Variants in TRIM71 observed in about 807,000 individuals in gnomAD.
TRIM71 encodes the protein tripartite motif containing 71, also known as E3 ubiquitin-protein ligase TRIM71.
In TRIM71, 9 loss-of-function variants were observed where a neutral mutation model predicts 61.2. The ratio of observed to expected loss-of-function variants is 0.15; its 90% CI spans 0.09 to 0.26. The LOEUF is 0.26. Ranked by LOEUF, TRIM71 falls within the 10% of genes least tolerant of loss-of-function variation. TRIM71 has a pLI of 1.00. For missense variants in TRIM71, 998 were observed against 1,238.7 expected, an observed-to-expected ratio of 0.81 and a Z score of 2.92; for synonymous variants, 645 against 553.2, an observed-to-expected ratio of 1.17 and a Z score of -2.33.
intron 1 of TRIM71, among the ~76,000 whole-genome samples, chr3:32,860,234 C>CT (rs774269001): frequency 2.0e-5 from 3 of 151,252 alleles, no homozygotes; most frequent in Non-Finnish European, 4.4e-5. Context: ...TCTCTGCTCA[C>CT]TGCAACCTCC....
chr3:32,818,839 G>T lies in TRIM71; in HGVS notation c.759G>T (p.Gln253His), dbSNP rs1430460499. ...PGPGAAAAAQ[Q>H]LGLGPPFPGP... is the part of the protein sequence containing the mutation. ...CCGGTGCCGCAGCAGCGGCGCAGCAGCTCGGGCTCGGGCCGCCCTTTCCCG... is the reference window on the plus strand; with the variant it reads ...CCGGTGCCGCAGCAGCGGCGCAGCATCTCGGGCTCGGGCCGCCCTTTCCCG... Residue 253 changes from glutamine (Q) to histidine (H), a missense_variant, in exon 1 of 4, where the codon CAG becomes CAT. By Grantham distance (24) the Gln-to-His change is conservative. Coordinates refer to ENST00000383763, the MANE Select transcript of TRIM71 (RefSeq NM_001039111.3). 1.2e-6 allele frequency: 2 copies of T among 1,611,806 alleles called. No individual in the cohort carries two copies. The highest frequency in any genetic ancestry group is 2.7e-5 in the African/African-American group (2 of 75,020).
intron 1 of TRIM71, among the ~76,000 whole-genome samples, chr3:32,835,091 G>A (rs1696320205): frequency 6.6e-6 from 1 of 152,180 alleles, no homozygotes; most frequent in Non-Finnish European, 1.5e-5. Context: ...TAAAAGTCAT[G>A]TGCAAGATGA....
Position 32,819,262 on chromosome 3 carries a change from G to C in TRIM71, c.852+330G>C, listed in dbSNP as rs1010291845. 3.9e-4 allele frequency among the ~76,000 whole-genome samples: 4 copies of C among 10,250 alleles called. No homozygotes were observed. The Non-Finnish European group carries it at 4.8e-3, about 12-fold the overall frequency. The allele number at this position is 10,250 out of a possible 152,430, so 6.7% of individuals were successfully genotyped here. Reference sequence around the variant, plus strand: ...GGAGATAGGTGTGTGTGTTTGTGTAGACGTGGCCTGCTCCTGCTCTTGTGG... The same window carrying C: ...GGAGATAGGTGTGTGTGTTTGTGTACACGTGGCCTGCTCCTGCTCTTGTGG... On this transcript the variant is annotated intron_variant, in intron 1 of 3. Transcript: ENST00000383763.
At chr3:32,854,452 C>G (rs1345389787) in intron 1 of TRIM71, among the ~76,000 whole-genome samples, 1 of 152,158 alleles carries the variant, frequency 6.6e-6, no homozygotes, top group African/African-American at 2.4e-5. Context: ...TCATGGAAAC[C>G]TGAGTTTTCC....
At chr3:32,871,211 G>A (rs1459234596) in intron 1 of TRIM71, among the ~76,000 whole-genome samples, 1 of 152,152 alleles carries the variant, frequency 6.6e-6, no homozygotes, top group Non-Finnish European at 1.5e-5. Context: ...CAGGTCAAGA[G>A]AGGTGATTGG....
intron 1 of TRIM71, among the ~76,000 whole-genome samples, chr3:32,858,893 G>GT (rs1045161959): frequency 1.4e-4 from 21 of 152,266 alleles, no homozygotes; most frequent in African/African-American, 4.8e-4. Flanking sequence ...CCACCTGATT[G>GT]TTTCACCAGC....
Position 32,818,548 on chromosome 3 carries a change from G to A in TRIM71, c.468G>A (p.Ala156=). The change falls in exon 1 of 4, where the codon GCG becomes GCA. Residue 156 remains alanine, a synonymous_variant. Coordinates refer to ENST00000383763, the MANE Select transcript of TRIM71 (RefSeq NM_001039111.3). ...ACCACCGGCACCACGCTCACCACGCGCACCCGCGCGCGTCCGCCTCCGCGC... is the reference window on the plus strand; with the variant it reads ...ACCACCGGCACCACGCTCACCACGCACACCCGCGCGCGTCCGCCTCCGCGC... The part of the protein sequence containing the change: ...HSNHRHHAHH[A]HPRASASAPP... The A allele has an allele frequency of 3.2e-6, 4 of 1,269,450 alleles. No homozygotes were observed. The highest frequency in any genetic ancestry group is 2.8e-5 in the South Asian group (1 of 36,084). The allele number at this position is 1,269,450 out of a possible 1,614,324, so 78.6% of individuals were successfully genotyped here.
At chr3:32,851,502 C>G (rs943424479) in intron 1 of TRIM71, among the ~76,000 whole-genome samples, 8 of 152,066 alleles carry the variant, frequency 5.3e-5, no homozygotes, top group African/African-American at 1.9e-4. Flanking sequence ...TTTTTTGAGA[C>G]AGTCTTGCTC....
chr3:32,847,190 AT>A (rs35654776), intron 1 of TRIM71, among the ~76,000 whole-genome samples: 29,375 of 107,102 alleles, frequency 0.27, 3,190 homozygotes, highest in East Asian at 0.69. Context: ...AGGTCCAGCA[AT>A]TTTTTTTTTT....
chr3:32,826,468 T>A (rs1259777204), intron 1 of TRIM71, among the ~76,000 whole-genome samples: 1 of 152,076 alleles, frequency 6.6e-6, no homozygotes, highest in Admixed American at 6.6e-5. Flanking sequence ...ACCTGAGTTT[T>A]AGAGATACTC....
intron 2 of TRIM71, among the ~76,000 whole-genome samples, chr3:32,879,054 C>T (rs888707440): frequency 2.6e-5 from 4 of 152,180 alleles, no homozygotes; most frequent in Admixed American, 2.0e-4. Flanking sequence ...GCTGTGTCAC[C>T]TTACACATAT....
intron 1 of TRIM71, among the ~76,000 whole-genome samples, chr3:32,821,744 G>A (rs1434222500): frequency 6.6e-6 from 1 of 151,774 alleles, no homozygotes; most frequent in East Asian, 1.9e-4. Context: ...CGCCGTCCCC[G>A]GAACAGCTGG....
rs1357690075 is a variant in TRIM71, at chr3:32,873,056, TCTCTCTTCCTCC to T, written c.853-758_853-747del. On this transcript the variant is annotated intron_variant, in intron 1 of 3. Coordinates refer to ENST00000383763, the MANE Select transcript of TRIM71 (RefSeq NM_001039111.3). ...CAGGTAAAGGTTGTGCCAGCCCTTC[TCTCTCTTCCTCC>T]CTCCCTCCCTCCCTCCCTCCCTCCC... Among the ~76,000 whole-genome samples the T allele has an allele frequency of 1.6e-3, 189 of 116,374 alleles. 1 individual carries two copies. The highest frequency in any genetic ancestry group is 5.8e-3 in the African/African-American group (182 of 31,600). The allele number at this position is 116,374 out of a possible 152,430, so 76.3% of individuals were successfully genotyped here. A position where few individuals can be genotyped will look rare whatever the true frequency, so the allele number is the denominator to read the frequency against.
intron 2 of TRIM71, among the ~76,000 whole-genome samples, chr3:32,875,684 A>G (rs1418629466): frequency 6.6e-6 from 1 of 152,046 alleles, no homozygotes; most frequent in Admixed American, 6.5e-5. Context: ...AAGTACCAAA[A>G]TTAGCCGGGT....
intron 1 of TRIM71, among the ~76,000 whole-genome samples, chr3:32,832,107 G>A (rs1483855280): frequency 6.6e-6 from 1 of 151,934 alleles, no homozygotes; most frequent in East Asian, 1.9e-4. Flanking sequence ...TGGTGGGGGG[G>A]GATTCTCTAC....
chr3:32,885,903 GC>G (rs775192371), intron 2 of TRIM71, 30 bp from the exon 3 acceptor site: 2 of 1,603,074 alleles, frequency 1.2e-6, no homozygotes, highest in Non-Finnish European at 1.7e-6. Context: ...TCCTTCTAAT[GC>G]CTCGAAGTTG....
At chr3:32,862,486 G>T (rs188000593) in intron 1 of TRIM71, among the ~76,000 whole-genome samples, 1 of 152,294 alleles carries the variant, frequency 6.6e-6, no homozygotes, top group East Asian at 1.9e-4. Flanking sequence ...GTACACTGTT[G>T]CCCGCTGTTT....
chr3:32,845,792 A>G (rs547069804), intron 1 of TRIM71, among the ~76,000 whole-genome samples: 4 of 151,602 alleles, frequency 2.6e-5, no homozygotes, highest in South Asian at 2.1e-4. Flanking sequence ...GCTCACTGCA[A>G]CCTCTGCAAC....
Position 32,891,870 on chromosome 3 carries a change from C to CTCTCTT in TRIM71, c.*62_*63insCTTTCT. On this transcript the variant is annotated 3_prime_UTR_variant, in exon 4 of 4. Transcript: ENST00000383763. This position sits in a 1 kb window ranked among gnomAD's most constrained non-coding sequence, Gnocchi z 8.2. ...TGTGCGTGTCTCTCTCTCTCTCTCTCTCTTTCTCTTTCTCTCTCTTTTTGA... is the reference window on the plus strand; with the variant it reads ...TGTGCGTGTCTCTCTCTCTCTCTCTCTCTCTTTCTTTCTCTTTCTCTCTCTTTTTGA... 1 of 1,519,196 alleles carries CTCTCTT rather than the reference C, an allele frequency of 6.6e-7. No individual in the cohort carries two copies. Among genetic ancestry groups the CTCTCTT allele is most frequent in the Non-Finnish European group, 8.8e-7 (1 of 1,133,348 alleles). 94.1% of individuals were successfully genotyped at this position (1,519,196 alleles called of 1,614,324 possible).
Sources: allele counts gnomAD v4.1 joint callset (sites outside exome capture counted in the v4.1 genomes callset), GRCh38; gene constraint gnomAD v4.1.1; non-coding constraint Gnocchi (gnomAD v3.1); transcripts MANE v1.5; gene names NCBI Gene and HGNC (gene_info 2026-07-23, HGNC 2026-07-21).